Variants in MRTFA observed in about 807,000 individuals in gnomAD.
The protein encoded by MRTFA is myocardin-related transcription factor A.
Under a neutral mutation model 83.5 loss-of-function variants are expected in MRTFA, and 20 were observed. The ratio of observed to expected loss-of-function variants is 0.24; its 90% CI spans 0.17 to 0.35. The LOEUF (loss-of-function observed/expected upper bound fraction) is 0.35. MRTFA is among the 10% of genes least tolerant of loss of function. The probability of loss-of-function intolerance (pLI) is 1.00; values close to 1 mark genes in which losing one functional copy is unlikely to be tolerated. For synonymous variants in MRTFA, 659 were observed against 541.2 expected, an observed-to-expected ratio of 1.22 and a Z score of -3.02; for missense variants, 1,200 against 1,224.7, an observed-to-expected ratio of 0.98 and a Z score of 0.30.
intron 2 of MRTFA, among the ~76,000 whole-genome samples, chr22:40,554,533 G>A (rs1298785452): frequency 1.3e-5 from 2 of 152,152 alleles, no homozygotes; most frequent in Non-Finnish European, 2.9e-5. Context: ...AGAAGGATGT[G>A]TTTGCTTTCC....
chr22:40,604,946 G>A (rs147331808), intron 1 of MRTFA, among the ~76,000 whole-genome samples: 2 of 152,058 alleles, frequency 1.3e-5, no homozygotes, highest in East Asian at 1.9e-4. Flanking sequence ...AACAAGAAGA[G>A]ACTAATCTAT....
chr22:40,535,717 C>T (rs1015877188), intron 3 of MRTFA, among the ~76,000 whole-genome samples: 2 of 151,970 alleles, frequency 1.3e-5, no homozygotes, highest in African/African-American at 4.8e-5. Flanking sequence ...TTTCACAGTT[C>T]GGTATTTACA....
intron 1 of MRTFA, among the ~76,000 whole-genome samples, chr22:40,597,861 T>A (rs565192195): frequency 1.3e-5 from 2 of 152,218 alleles, no homozygotes; most frequent in Non-Finnish European, 2.9e-5. Flanking sequence ...ATTTAAAACA[T>A]TTATGGCTTG....
intron 3 of MRTFA, among the ~76,000 whole-genome samples, chr22:40,475,100 ACGT>A (rs145014115): frequency 0.081 from 12,322 of 151,936 alleles, 768 homozygotes; most frequent in East Asian, 0.24. Flanking sequence ...TGGCCTCCCA[ACGT>A]GCTGGGATTA....
chr22:40,526,894 G>C (rs919985142), intron 3 of MRTFA, among the ~76,000 whole-genome samples: 3 of 152,010 alleles, frequency 2.0e-5, no homozygotes, highest in African/African-American at 7.2e-5. Flanking sequence ...GAGCTCAGGA[G>C]TTTGAGACCA....
At chr22:40,491,982 CG>C (rs1200298573) in intron 3 of MRTFA, among the ~76,000 whole-genome samples, 1 of 152,202 alleles carries the variant, frequency 6.6e-6, no homozygotes, top group African/African-American at 2.4e-5. Flanking sequence ...CACAAATACT[CG>C]AACCTTCCCG....
chr22:40,530,165 T>G (rs938857510), intron 3 of MRTFA, among the ~76,000 whole-genome samples: 2 of 152,188 alleles, frequency 1.3e-5, no homozygotes, highest in Non-Finnish European at 2.9e-5. Context: ...AGTCAAAGCC[T>G]TACACATTAG....
intron 14 of MRTFA, chr22:40,412,892 T>C (rs2052589389): frequency 6.6e-6 from 1 of 152,246 alleles, no homozygotes; most frequent in Non-Finnish European, 1.5e-5. Flanking sequence ...TCCCAGCACT[T>C]TGGGAGGCCA....
chr22:40,544,984 C>T (rs948586301), intron 3 of MRTFA, among the ~76,000 whole-genome samples: 6 of 149,656 alleles, frequency 4.0e-5, no homozygotes, highest in African/African-American at 7.3e-5. Context: ...CATAAAATAA[C>T]GGAAAGTGAT....
chr22:40,619,839 G>A (rs1201035191), intron 1 of MRTFA, among the ~76,000 whole-genome samples: 1 of 134,386 alleles, frequency 7.4e-6, no homozygotes, highest in East Asian at 2.3e-4. Flanking sequence ...GCAGTGAGCC[G>A]AGATCACACC....
At chr22:40,459,782 T>TACACACACACACAC (rs745698441) in intron 4 of MRTFA, among the ~76,000 whole-genome samples, 2 of 88,914 alleles carry the variant, frequency 2.2e-5, no homozygotes. Flanking sequence ...TGATAAAATA[T>TACACACACACACAC]ACACACACAC....
intron 3 of MRTFA, among the ~76,000 whole-genome samples, chr22:40,466,125 G>T (rs148119239): frequency 1.3e-5 from 2 of 152,108 alleles, no homozygotes; most frequent in Non-Finnish European, 1.5e-5. Flanking sequence ...CAGATGGTTC[G>T]ACCAGAGTGA....
intron 12 of MRTFA, chr22:40,417,780 G>C: frequency 2.4e-6 from 1 of 415,548 alleles, no homozygotes; most frequent in Admixed American, 4.2e-5. Flanking sequence ...TCTCTGCTTG[G>C]GGCTGCTCAG....
rs570358196 is a variant in MRTFA, at chr22:40,419,584, G to T, written c.1354-200C>A. ...TTTCATTGTTCTCACTCTAGCAGGG[G>T]TCTGGTTAAAATGCTCCCCACCTAT... is the stretch of plus-strand genomic sequence containing the variant. On this transcript the variant is annotated intron_variant, in intron 11 of 14. Coordinates refer to ENST00000355630, the MANE Select transcript of MRTFA (RefSeq NM_020831.6). 5.3e-5 allele frequency among the ~76,000 whole-genome samples: 8 copies of T among 152,346 alleles called. No individual in the cohort carries two copies. In the South Asian group the frequency reaches 1.7e-3, roughly 32 times the overall value.
intron 2 of MRTFA, among the ~76,000 whole-genome samples, chr22:40,571,921 C>CAAAAAAAAAA (rs557782525): frequency 1.1e-4 from 2 of 18,728 alleles, no homozygotes; most frequent in African/African-American, 4.6e-4. Context: ...AAGACTCTGT[C>CAAAAAAAAAA]AAAAAAAAAA....
chr22:40,587,813 C>A (rs1226217253), intron 2 of MRTFA: 1 of 344,318 alleles, frequency 2.9e-6, no homozygotes, highest in Non-Finnish European at 5.7e-6. Flanking sequence ...AGATTCAGCA[C>A]TGGTCTGACG....
chr22:40,434,354 T>TG (rs936489165), intron 5 of MRTFA, among the ~76,000 whole-genome samples: 3 of 149,306 alleles, frequency 2.0e-5, no homozygotes, highest in African/African-American at 7.5e-5. Context: ...CATGATTTTC[T>TG]GGGGAGAGGG....
intron 3 of MRTFA, among the ~76,000 whole-genome samples, chr22:40,463,952 C>T (rs1475172234): frequency 6.6e-6 from 1 of 152,054 alleles, no homozygotes; most frequent in African/African-American, 2.4e-5. Context: ...CTTATTTTCA[C>T]TCTGGCAATA....
At chr22:40,514,526 G>C (rs2054724607) in intron 3 of MRTFA, among the ~76,000 whole-genome samples, 1 of 149,614 alleles carries the variant, frequency 6.7e-6, no homozygotes, top group African/African-American at 2.5e-5. Flanking sequence ...CCAGGCTGGA[G>C]TGCGATGGCA....
Sources: allele counts gnomAD v4.1 joint callset (sites outside exome capture counted in the v4.1 genomes callset), GRCh38; gene constraint gnomAD v4.1.1; transcripts MANE v1.5; gene names NCBI Gene and HGNC (gene_info 2026-07-23, HGNC 2026-07-21).